The following KLF12 variants were observed in gnomAD, a reference collection of about 807,000 sequenced individuals.
The protein encoded by KLF12 is KLF transcription factor 12, also known as Krueppel-like factor 12.
KLF12 carries 9 observed loss-of-function variants against 37.8 expected under a neutral mutation model. The ratio of observed to expected loss-of-function variants is 0.24; its 90% CI spans 0.14 to 0.42. KLF12 has a LOEUF of 0.42. Among genes scored for constraint, KLF12 ranks in the 10% least tolerant of loss-of-function variants. The pLI is 1.00. For synonymous variants in KLF12, 208 were observed against 202.1 expected (o/e 1.03, Z -0.25); for missense variants, 411 against 516.0 (o/e 0.80, Z 1.97).
At chr13:73,934,304 C>A (rs1380655086) in intron 3 of KLF12, among the ~76,000 whole-genome samples, 1 of 152,176 alleles carries the variant, frequency 6.6e-6, no homozygotes, top group Non-Finnish European at 1.5e-5. Context: ...TAATACCATA[C>A]CACTTCACAA....
chr13:73,937,592 G>A (rs896211173), intron 3 of KLF12, among the ~76,000 whole-genome samples: 5 of 152,148 alleles, frequency 3.3e-5, no homozygotes, highest in Non-Finnish European at 5.9e-5. Flanking sequence ...CCATCAGAGC[G>A]CAGGGACATC....
chr13:73,751,159 T>C (rs1878729614), intron 6 of KLF12, among the ~76,000 whole-genome samples: 2 of 152,252 alleles, frequency 1.3e-5, no homozygotes, highest in Non-Finnish European at 2.9e-5. Flanking sequence ...ACACTTAGGT[T>C]GATTCCATGA....
chr13:74,275,120 G>A, the KLF12 span, among the ~76,000 whole-genome samples: 2 of 152,160 alleles, frequency 1.3e-5, no homozygotes, highest in Non-Finnish European at 2.9e-5. Context: ...GGGGGAAATT[G>A]TTCAAAGCAA....
At chr13:74,302,338 T>C in the KLF12 span, among the ~76,000 whole-genome samples, 3 of 152,124 alleles carry the variant, frequency 2.0e-5, no homozygotes, top group African/African-American at 7.2e-5. Flanking sequence ...CTTACAAAAA[T>C]AATGGATAAG....
chr13:74,096,697 G>A (rs1876006600), intron 1 of KLF12, among the ~76,000 whole-genome samples: 2 of 152,014 alleles, frequency 1.3e-5, no homozygotes, highest in African/African-American at 4.8e-5. Flanking sequence ...GGTTCACAAC[G>A]TGGTTACTGC....
intron 5 of KLF12, among the ~76,000 whole-genome samples, chr13:73,770,153 T>C (rs1424412134): frequency 2.0e-5 from 3 of 152,156 alleles, no homozygotes; most frequent in Non-Finnish European, 2.9e-5. Context: ...TTACTAAATA[T>C]CAGAATTTTC....
the KLF12 span, among the ~76,000 whole-genome samples, chr13:74,152,422 C>A: frequency 6.6e-6 from 1 of 152,124 alleles, no homozygotes; most frequent in African/African-American, 2.4e-5. Flanking sequence ...GGTTCGTACC[C>A]CACCATATTT....
At chr13:74,184,664 T>C in the KLF12 span, among the ~76,000 whole-genome samples, 1 of 152,210 alleles carries the variant, frequency 6.6e-6, no homozygotes. Flanking sequence ...TAATTATGTA[T>C]GCAAGCTCAG....
intron 5 of KLF12, among the ~76,000 whole-genome samples, chr13:73,791,772 C>T (rs1881701925): frequency 1.3e-5 from 2 of 152,106 alleles, no homozygotes; most frequent in Admixed American, 1.3e-4. Context: ...GAAAGAAATA[C>T]AATATTCAGT....
intron 1 of KLF12, among the ~76,000 whole-genome samples, chr13:74,072,824 C>T (rs1486037678): frequency 1.3e-5 from 2 of 152,194 alleles, no homozygotes; most frequent in Admixed American, 1.3e-4. Context: ...TGTGTTGTCA[C>T]ACTCCTCAGA....
chr13:74,055,051 C>T (rs753856270), intron 1 of KLF12, among the ~76,000 whole-genome samples: 3 of 152,138 alleles, frequency 2.0e-5, no homozygotes, highest in African/African-American at 4.8e-5. Flanking sequence ...GACAAAGAGA[C>T]GTCAAATATC....
chr13:74,181,201 T>G, the KLF12 span, among the ~76,000 whole-genome samples: 1 of 151,844 alleles, frequency 6.6e-6, no homozygotes, highest in South Asian at 2.1e-4. Context: ...GGTCTCACCA[T>G]GCTGGCCAGG....
chr13:74,130,592 G>A (rs1053221938), intron 1 of KLF12, among the ~76,000 whole-genome samples: 1 of 150,520 alleles, frequency 6.6e-6, no homozygotes, highest in South Asian at 2.1e-4. Context: ...GGGAATTTGA[G>A]CTATGATGAT....
chr13:74,164,673 G>T, the KLF12 span, among the ~76,000 whole-genome samples: 2 of 152,192 alleles, frequency 1.3e-5, no homozygotes, highest in Admixed American at 6.5e-5. Context: ...TCAAATAAGA[G>T]AAAATCCAAC....
intron 5 of KLF12, among the ~76,000 whole-genome samples, chr13:73,765,748 G>T (rs1248357948): frequency 6.6e-6 from 1 of 152,084 alleles, no homozygotes; most frequent in Non-Finnish European, 1.5e-5. Flanking sequence ...TCACTAACCG[G>T]CAAAACAATA....
At chr13:73,823,253 C>T (rs531555613) in intron 4 of KLF12, among the ~76,000 whole-genome samples, 72 of 151,338 alleles carry the variant, frequency 4.8e-4, no homozygotes, top group African/African-American at 1.7e-3. Context: ...GTCTTAGGTA[C>T]TTTAAATGTA....
At chr13:73,845,765 C>T in intron 4 of KLF12, 62 bp downstream of exon 4, 3 of 1,468,214 alleles carry the variant, frequency 2.0e-6, no homozygotes, top group Non-Finnish European at 1.9e-6. Flanking sequence ...AGGTTTTGTT[C>T]ACTGCAAAAA....
At chr13:74,237,892 C>A in the KLF12 span, among the ~76,000 whole-genome samples, 6 of 152,036 alleles carry the variant, frequency 3.9e-5, no homozygotes, top group Admixed American at 3.9e-4. Context: ...CAAAGAGGGA[C>A]AATTTGACTT....
At chr13:74,146,469 G>A in the KLF12 span, among the ~76,000 whole-genome samples, 3 of 151,992 alleles carry the variant, frequency 2.0e-5, no homozygotes, top group African/African-American at 7.2e-5. Flanking sequence ...AAAACTCTAC[G>A]TAGACTGTTG....
Sources: allele counts gnomAD v4.1 joint callset (sites outside exome capture counted in the v4.1 genomes callset), GRCh38; gene constraint gnomAD v4.1.1; transcripts MANE v1.5; gene names NCBI Gene and HGNC (gene_info 2026-07-23, HGNC 2026-07-21).